DIP2C: variants seen among roughly 807,000 people sequenced by gnomAD.
DIP2C encodes the protein disco-interacting protein 2 homolog C.
A neutral mutation model predicts 192.4 loss-of-function variants in DIP2C; 33 were observed. The observed-to-expected ratio is 0.17, with a 90% CI of 0.13 to 0.23. The LOEUF (loss-of-function observed/expected upper bound fraction) is 0.23. Ranked by LOEUF, DIP2C falls within the 10% of genes least tolerant of loss-of-function variation. DIP2C has a pLI of 1.00. For synonymous variants in DIP2C, 979 were observed against 864.1 expected (o/e 1.13, Z -2.33); for missense variants, 1,537 against 2,110.1 (o/e 0.73, Z 5.32).
intron 1 of DIP2C, among the ~76,000 whole-genome samples, chr10:611,251 C>T (rs1564268041): frequency 1.3e-5 from 2 of 152,312 alleles, no homozygotes; most frequent in East Asian, 3.9e-4. Flanking sequence ...CTTCACCTTC[C>T]ACCCTGATTG....
At chr10:598,038 G>A (rs1264443353) in intron 1 of DIP2C, among the ~76,000 whole-genome samples, 1 of 152,182 alleles carries the variant, frequency 6.6e-6, no homozygotes, top group Admixed American at 6.5e-5. Context: ...CGTTTAGGAG[G>A]GCCTCCTCTA....
intron 1 of DIP2C, among the ~76,000 whole-genome samples, chr10:670,324 A>G (rs777697033): frequency 1.2e-4 from 18 of 152,112 alleles, no homozygotes; most frequent in Non-Finnish European, 2.4e-4. Flanking sequence ...GCATATACAC[A>G]TGCACATGCG....
At chr10:369,864 C>CG (rs1434917237) in intron 17 of DIP2C, 1 of 1,360,912 alleles carries the variant, frequency 7.3e-7, no homozygotes, top group African/African-American at 1.5e-5. Flanking sequence ...ATCCCAAGAA[C>CG]ACCCGTAAAC....
chr10:551,787 T>TC (rs1470186978), intron 1 of DIP2C, among the ~76,000 whole-genome samples: 1 of 152,194 alleles, frequency 6.6e-6, no homozygotes, highest in Non-Finnish European at 1.5e-5. Context: ...AACTCCAGGC[T>TC]CCTCAGAGCC....
rs374300538 is a variant in DIP2C at position 377,989 on chromosome 10, C to T, written c.1991+4658G>A. Among the ~76,000 whole-genome samples the T allele has an allele frequency of 1.4e-3, 207 of 152,270 alleles. 2 individuals carry two copies. Among genetic ancestry groups the T allele is most frequent in the African/African-American group, 4.9e-3 (202 of 41,548 alleles). The stretch of plus-strand genomic sequence containing the variant: ...CAACGTAGCTTTAAGAAAATCAAGT[C>T]TATCATCTACATTCTAGAGATGGTA... On this transcript the variant is annotated intron_variant, in intron 17 of 36. Coordinates refer to ENST00000280886, the MANE Select transcript of DIP2C (RefSeq NM_014974.3).
intron 5 of DIP2C, among the ~76,000 whole-genome samples, chr10:422,161 G>C (rs1324808745): frequency 1.3e-5 from 2 of 152,142 alleles, no homozygotes; most frequent in Non-Finnish European, 2.9e-5. Context: ...CTTTAATGGA[G>C]ACACACACAA....
intron 29 of DIP2C, among the ~76,000 whole-genome samples, chr10:337,069 TGTGTTGTGGAGGCCTAGACTG>T (rs1957834421): frequency 1.6e-5 from 2 of 122,348 alleles, no homozygotes; most frequent in African/African-American, 6.6e-5. Context: ...TGTGTGTGTG[TGTGTTGTGGAGGCCTAGACTG>T]GTGTGTGTGT....
At chr10:308,980 G>C (rs1403606904) in intron 32 of DIP2C, among the ~76,000 whole-genome samples, 1 of 152,206 alleles carries the variant, frequency 6.6e-6, no homozygotes, top group Non-Finnish European at 1.5e-5. Context: ...AATGCCTCCA[G>C]GCATGTCAGA....
At chr10:481,183 T>TCC (rs1843580063) in intron 2 of DIP2C, among the ~76,000 whole-genome samples, 1 of 152,072 alleles carries the variant, frequency 6.6e-6, no homozygotes, top group African/African-American at 2.4e-5. Flanking sequence ...ACACGAGGAA[T>TCC]CAGAACAACC....
chr10:467,537 A>AGT (rs1970311760), intron 3 of DIP2C, among the ~76,000 whole-genome samples: 1 of 11,694 alleles, frequency 8.6e-5, no homozygotes, highest in East Asian at 0.029. Context: ...ATAAAAAAAA[A>AGT]ATAAATAAAA....
intron 1 of DIP2C, among the ~76,000 whole-genome samples, chr10:500,406 A>G (rs937855244): frequency 2.6e-5 from 4 of 152,266 alleles, no homozygotes; most frequent in Admixed American, 2.6e-4. Flanking sequence ...ACTGCTCCTT[A>G]GTAATTAATC....
At chr10:350,195 T>G (rs1782131920) in intron 24 of DIP2C, among the ~76,000 whole-genome samples, 1 of 151,922 alleles carries the variant, frequency 6.6e-6, no homozygotes, top group Non-Finnish European at 1.5e-5. Context: ...GCAATTCTGC[T>G]GCCTCAGCCC....
intron 1 of DIP2C, among the ~76,000 whole-genome samples, chr10:686,713 C>A (rs547198816): frequency 6.6e-6 from 1 of 152,352 alleles, no homozygotes; most frequent in East Asian, 1.9e-4. Flanking sequence ...TGTGAGGGGG[C>A]ACAGGGCACG....
chr10:510,675 G>T (rs147091002), intron 1 of DIP2C, among the ~76,000 whole-genome samples: 74 of 152,370 alleles, frequency 4.9e-4, no homozygotes, highest in Non-Finnish European at 8.4e-4. Context: ...AAATCTAGAA[G>T]CAAAAGAAGC....
chr10:406,982 A>G (rs1964851838), intron 9 of DIP2C, among the ~76,000 whole-genome samples: 1 of 151,758 alleles, frequency 6.6e-6, no homozygotes, highest in Non-Finnish European at 1.5e-5. Flanking sequence ...CCCATCTCCA[A>G]CCTGACCAAT....
At chr10:667,647 A>C (rs1227881444) in intron 1 of DIP2C, 1 of 152,210 alleles carries the variant, frequency 6.6e-6, no homozygotes, top group Non-Finnish European at 1.5e-5. Flanking sequence ...ACACATACCC[A>C]ATGCATGCAA....
intron 1 of DIP2C, among the ~76,000 whole-genome samples, chr10:603,431 G>GT (rs1367971288): frequency 1.3e-5 from 2 of 149,526 alleles, no homozygotes; most frequent in Non-Finnish European, 2.9e-5. Context: ...CAGGACCTCT[G>GT]TCTCTGATGT....
chr10:584,816 G>A (rs866186080), intron 1 of DIP2C, among the ~76,000 whole-genome samples: 13 of 69,836 alleles, frequency 1.9e-4, no homozygotes, highest in South Asian at 5.9e-4. Context: ...CGGGGCCCGC[G>A]ACCTGACCCC....
In DIP2C at chr10:277,193, T is replaced by A. The variant is rs977277593; in HGVS notation, c.*132A>T. ...CTGCTGTGAGAAGTCCTCTTCCTCC[T>A]CCTCTTCCTCCTCCACTCTCACCAC... On this transcript the variant is annotated 3_prime_UTR_variant, in exon 37 of 37. Coordinates refer to ENST00000280886, the MANE Select transcript of DIP2C (RefSeq NM_014974.3). 2 of 1,377,158 alleles carry A rather than the reference T, an allele frequency of 1.5e-6. No individual in the cohort carries two copies. The highest frequency in any genetic ancestry group is 1.4e-5 in the African/African-American group (1 of 69,698). The allele number at this position is 1,377,158 out of a possible 1,614,324, so 85.3% of individuals were successfully genotyped here. A position where few individuals can be genotyped will look rare whatever the true frequency, so the allele number is the denominator to read the frequency against.
Sources: allele counts gnomAD v4.1 joint callset (sites outside exome capture counted in the v4.1 genomes callset), GRCh38; gene constraint gnomAD v4.1.1; transcripts MANE v1.5; gene names NCBI Gene and HGNC (gene_info 2026-07-23, HGNC 2026-07-21).